MYO1E: variants seen among roughly 807,000 people sequenced by gnomAD.
MYO1E encodes the protein unconventional myosin-Ie.
A neutral mutation model predicts 151.1 loss-of-function variants in MYO1E; 68 were observed. The ratio of observed to expected loss-of-function variants is 0.45; its 90% CI spans 0.37 to 0.55. The LOEUF (loss-of-function observed/expected upper bound fraction) is 0.55. Ranked by LOEUF, MYO1E falls within the 20% of genes least tolerant of loss-of-function variation. The pLI is 0.00. For synonymous variants in MYO1E, 601 were observed against 501.7 expected (o/e 1.20, Z -2.64); for missense variants, 1,363 against 1,389.3 (o/e 0.98, Z 0.30).
At chr15:59,183,116 G>A (rs2079674283) in intron 18 of MYO1E, among the ~76,000 whole-genome samples, 1 of 151,582 alleles carries the variant, frequency 6.6e-6, no homozygotes. Context: ...ACAGGCCACA[G>A]ACCAGTACTG....
chr15:59,338,284 C>CTTTTTTTT (rs35457560), intron 1 of MYO1E, among the ~76,000 whole-genome samples: 7 of 128,658 alleles, frequency 5.4e-5, no homozygotes, highest in Admixed American at 7.8e-5. Flanking sequence ...TCAGTATTGA[C>CTTTTTTTT]TTTTTTTTTT....
At chr15:59,212,165 A>G (rs78346178) in intron 12 of MYO1E, among the ~76,000 whole-genome samples, 15,707 of 151,820 alleles carry the variant, frequency 0.1, 1,179 homozygotes, top group African/African-American at 0.21. Flanking sequence ...TGGCTACTCT[A>G]AGGGTTGGGG....
At chr15:59,291,883 C>A (rs1211180609) in intron 1 of MYO1E, among the ~76,000 whole-genome samples, 3 of 151,802 alleles carry the variant, frequency 2.0e-5, no homozygotes, top group Admixed American at 2.0e-4. Flanking sequence ...TGTTTGATCA[C>A]AGGGCAAGCA....
At position 59,162,907 on chromosome 15, in the gene MYO1E, G is replaced by A. The variant is rs527576456; in HGVS notation, c.2627+250C>T. Among the ~76,000 whole-genome samples, 20 of 152,128 alleles carry A rather than the reference G, an allele frequency of 1.3e-4. 1 individual carries two copies. The highest frequency in any genetic ancestry group is 2.6e-4 in the Admixed American group (4 of 15,270). ...CTGCCTTTGTCTGCCTCATTCAGGT[G>A]ATTTTTGTCTAAATGATAAAATACA... On this transcript the variant is annotated intron_variant, in intron 23 of 27. Transcript: ENST00000288235.
chr15:59,148,474 A>T (rs1411612038), intron 26 of MYO1E, among the ~76,000 whole-genome samples: 1 of 152,246 alleles, frequency 6.6e-6, no homozygotes, highest in Non-Finnish European at 1.5e-5. Context: ...AATTCCAAGA[A>T]GGAAAATAAT....
At chr15:59,346,924 GAA>G (rs11295137) in intron 1 of MYO1E, among the ~76,000 whole-genome samples, 130 of 131,304 alleles carry the variant, frequency 9.9e-4, no homozygotes, top group African/African-American at 3.1e-3. Flanking sequence ...CTCCCAAAAA[GAA>G]AAAAAAAAAA....
At chr15:59,145,054 G>C (rs561007308) in intron 26 of MYO1E, among the ~76,000 whole-genome samples, 42 of 152,216 alleles carry the variant, frequency 2.8e-4, no homozygotes, top group South Asian at 8.3e-4. Context: ...TGTTGGTCAG[G>C]CTGGTCTTGA....
chr15:59,153,825 A>C, intron 25 of MYO1E, 34 bp from the exon 26 acceptor site: 2 of 1,584,982 alleles, frequency 1.3e-6, no homozygotes, highest in Non-Finnish European at 1.7e-6. Context: ...AATAAGGCTC[A>C]GATTTTTGGA....
chr15:59,175,697 T>A (rs1226970578), intron 19 of MYO1E, among the ~76,000 whole-genome samples: 2 of 152,224 alleles, frequency 1.3e-5, no homozygotes, highest in South Asian at 2.1e-4. Context: ...ATCTTGTGTA[T>A]TGGGTTTCTG....
At chr15:59,247,629 G>A (rs1181324410) in intron 4 of MYO1E, among the ~76,000 whole-genome samples, 3 of 152,202 alleles carry the variant, frequency 2.0e-5, no homozygotes, top group African/African-American at 7.2e-5. Context: ...GAGGTGACCT[G>A]AAATCAGGAT....
intron 1 of MYO1E, among the ~76,000 whole-genome samples, chr15:59,280,059 ATATTTTTTATTATTTC>A (rs2080344333): frequency 6.6e-6 from 1 of 152,174 alleles, no homozygotes; most frequent in African/African-American, 2.4e-5. Flanking sequence ...ACTGTTTTCC[ATATTTTTTATTATTTC>A]ATGTCAACTC....
chr15:59,276,625 A>T (rs889738460), intron 1 of MYO1E, among the ~76,000 whole-genome samples: 5 of 152,208 alleles, frequency 3.3e-5, no homozygotes, highest in African/African-American at 1.2e-4. Flanking sequence ...CAAGTTCTGG[A>T]AAGTAGGGTA....
At chr15:59,161,584 T>C (rs145382159) in intron 23 of MYO1E, among the ~76,000 whole-genome samples, 50 of 152,294 alleles carry the variant, frequency 3.3e-4, no homozygotes, top group Non-Finnish European at 6.2e-4. Flanking sequence ...TGTGCTGTCA[T>C]TGTGCTTCCA....
At chr15:59,258,505 A>ATTTT (rs1257583210) in intron 3 of MYO1E, among the ~76,000 whole-genome samples, 1 of 152,232 alleles carries the variant, frequency 6.6e-6, no homozygotes, top group Non-Finnish European at 1.5e-5. Flanking sequence ...CTGGCAGAAA[A>ATTTT]GTAGGTTATA....
intron 1 of MYO1E, among the ~76,000 whole-genome samples, chr15:59,332,231 C>T (rs1043861793): frequency 9.9e-5 from 15 of 152,094 alleles, no homozygotes; most frequent in Admixed American, 4.6e-4. Flanking sequence ...CTCAAAGTCA[C>T]GGGTAAGGGA....
intron 26 of MYO1E, among the ~76,000 whole-genome samples, chr15:59,143,458 G>T (rs1238708225): frequency 6.6e-6 from 1 of 152,226 alleles, no homozygotes; most frequent in Non-Finnish European, 1.5e-5. Context: ...AAGAGGCACA[G>T]CTGCTTTGCT....
intron 26 of MYO1E, among the ~76,000 whole-genome samples, chr15:59,146,511 TC>T (rs1424242169): frequency 9.9e-5 from 15 of 152,166 alleles, no homozygotes; most frequent in African/African-American, 3.4e-4. Context: ...AGACAGGGTT[TC>T]ACATGTTGGT....
At chr15:59,304,686 C>T (rs2080504421) in intron 1 of MYO1E, among the ~76,000 whole-genome samples, 1 of 152,192 alleles carries the variant, frequency 6.6e-6, no homozygotes, top group Non-Finnish European at 1.5e-5. Context: ...CTGGTTAGGG[C>T]AGAAATGCCC....
intron 25 of MYO1E, 148 bp downstream of exon 25, chr15:59,158,139 G>A (rs1348133238): frequency 8.1e-6 from 6 of 741,864 alleles, no homozygotes; most frequent in African/African-American, 7.0e-5. Context: ...CTCAAGTAGG[G>A]CTGCTGTGTT....
Sources: allele counts gnomAD v4.1 joint callset (sites outside exome capture counted in the v4.1 genomes callset), GRCh38; gene constraint gnomAD v4.1.1; transcripts MANE v1.5; gene names NCBI Gene and HGNC (gene_info 2026-07-23, HGNC 2026-07-21).